The following DAB1 variants were observed in gnomAD, a reference collection of about 807,000 sequenced individuals.
DAB1 encodes DAB adaptor protein 1.
In DAB1, 15 loss-of-function variants were observed where a neutral mutation model predicts 64.6. The observed-to-expected ratio is 0.23, with a 90% CI of 0.16 to 0.36. The LOEUF (loss-of-function observed/expected upper bound fraction) is 0.36, where lower values mean the gene tolerates loss of function less well. Among genes scored for constraint, DAB1 ranks in the 10% least tolerant of loss-of-function variants. The pLI, the probability that DAB1 is intolerant of heterozygous loss-of-function variation, is 1.00. For synonymous variants in DAB1, 235 were observed against 251.9 expected (o/e 0.93, Z 0.64); for missense variants, 596 against 706.7 (o/e 0.84, Z 1.78).
chr1:57,475,886 A>C (rs745502818), intron 7 of DAB1, among the ~76,000 whole-genome samples: 5 of 152,230 alleles, frequency 3.3e-5, no homozygotes, highest in African/African-American at 7.2e-5. Flanking sequence ...TGAATGCATG[A>C]ATGAATGAAT....
At chr1:58,049,263 G>A in intron 5 of DAB1, 2 of 742,600 alleles carry the variant, frequency 2.7e-6, no homozygotes, top group Non-Finnish European at 5.0e-6. Flanking sequence ...AAGCTGTTCG[G>A]GCTCTTTAGG....
intron 9 of DAB1, among the ~76,000 whole-genome samples, chr1:57,048,462 C>A (rs1342258754): frequency 6.6e-6 from 1 of 152,104 alleles, no homozygotes; most frequent in Non-Finnish European, 1.5e-5. Context: ...TTACAGCCTC[C>A]CAGAGAGCGG....
intron 5 of DAB1, among the ~76,000 whole-genome samples, chr1:58,104,223 C>T (rs1346192806): frequency 6.6e-6 from 1 of 152,226 alleles, no homozygotes; most frequent in Non-Finnish European, 1.5e-5. Context: ...ATCCCAACCT[C>T]TAGCACACAG....
chr1:57,691,642 CTG>C (rs1303343491), intron 6 of DAB1, among the ~76,000 whole-genome samples: 7 of 152,200 alleles, frequency 4.6e-5, no homozygotes, highest in African/African-American at 1.4e-4. Context: ...GGAAGAAACT[CTG>C]GACACATCTA....
chr1:57,507,001 C>T (rs566105247), intron 7 of DAB1, among the ~76,000 whole-genome samples: 8 of 152,178 alleles, frequency 5.3e-5, no homozygotes, highest in Non-Finnish European at 1.0e-4. Flanking sequence ...TCCTCACCTC[C>T]AGTCCCTCTC....
At chr1:57,046,879 C>T (rs1014487553) in intron 9 of DAB1, among the ~76,000 whole-genome samples, 10 of 152,156 alleles carry the variant, frequency 6.6e-5, no homozygotes, top group African/African-American at 2.4e-4. Context: ...AGCTTCTTGC[C>T]TTCTGTTTGA....
At chr1:57,089,473 A>G (rs1211641457) in intron 4 of DAB1, among the ~76,000 whole-genome samples, 2 of 152,100 alleles carry the variant, frequency 1.3e-5, no homozygotes, top group Non-Finnish European at 2.9e-5. Flanking sequence ...ATTGCAAAAC[A>G]AAAGGGAGAT....
At chr1:58,063,324 C>T (rs1157478622) in intron 5 of DAB1, among the ~76,000 whole-genome samples, 1 of 152,108 alleles carries the variant, frequency 6.6e-6, no homozygotes, top group Non-Finnish European at 1.5e-5. Flanking sequence ...AAAATGACAC[C>T]TTTACAACAG....
Position 57,242,973 on chromosome 1 carries a change from C to T in DAB1, c.67+47991G>A, listed in dbSNP as rs762740987. Among the ~76,000 whole-genome samples the T allele has an allele frequency of 6.6e-4, 101 of 152,154 alleles. 1 individual carries two copies. Among genetic ancestry groups the T allele is most frequent in the Non-Finnish European group, 1.3e-3 (88 of 68,034 alleles). On this transcript the variant is annotated intron_variant, in intron 2 of 14. Transcript: ENST00000371236. The stretch of plus-strand genomic sequence containing the variant: ...TATCCTTTGATCATTGTTATTGTGG[C>T]AGCACAATTTGCATACTTAGTAGAT...
At chr1:58,508,141 AG>A (rs897878108) in intron 2 of DAB1, among the ~76,000 whole-genome samples, 2 of 152,202 alleles carry the variant, frequency 1.3e-5, no homozygotes, top group African/African-American at 4.8e-5. Context: ...CCTACAGACT[AG>A]AAAGTATTCC....
rs577310808 is a variant in DAB1, at chr1:58,068,357, C to T, written n.387+82154G>A. Among the ~76,000 whole-genome samples the T allele has an allele frequency of 2.2e-3, 341 of 152,150 alleles. 3 individuals are homozygous for T. The highest frequency in any genetic ancestry group is 7.9e-3 in the African/African-American group (327 of 41,500). On this transcript the variant is annotated intron_variant and non_coding_transcript_variant, in intron 5 of 20. Transcript: ENST00000485760. ...CTTTCTTTAATTCACCTATATATAGCGGGGAAAAGGATGCATTCATTCACT... is the reference window on the plus strand; with the variant it reads ...CTTTCTTTAATTCACCTATATATAGTGGGGAAAAGGATGCATTCATTCACT...
At chr1:57,201,698 C>A (rs1480824133) in intron 2 of DAB1, among the ~76,000 whole-genome samples, 1 of 152,172 alleles carries the variant, frequency 6.6e-6, no homozygotes, top group Middle Eastern at 3.2e-3. Flanking sequence ...ATAGTATTTT[C>A]TCCCAAAGCT....
intron 5 of DAB1, among the ~76,000 whole-genome samples, chr1:57,941,112 G>C (rs1645097765): frequency 6.6e-6 from 1 of 152,168 alleles, no homozygotes; most frequent in Non-Finnish European, 1.5e-5. Flanking sequence ...CATGATATAG[G>C]ACAGTGACCC....
rs1275363806 is a variant in DAB1 at position 57,423,945 on chromosome 1, GCAT to G, written c.-155_-153del. 6.6e-6 allele frequency: 1 copy of G among 152,032 alleles called. No homozygotes were observed. The highest frequency in any genetic ancestry group is 1.5e-5 in the Non-Finnish European group (1 of 68,134). The allele number at this position is 152,032 out of a possible 1,614,324, so 9.4% of individuals were successfully genotyped here. On this transcript the variant is annotated 5_prime_UTR_variant, in exon 1 of 15. The change abolishes an upstream ATG in the 5' untranslated region. Coordinates refer to ENST00000371236, the MANE Select transcript of DAB1 (RefSeq NM_001365792.1). ...CGCGCCTCACCTCGCCTAGCCCAGA[GCAT>G]CCTCCTCCGCTGCCGCAGCCGCCCA...
intron 1 of DAB1, among the ~76,000 whole-genome samples, chr1:57,321,940 C>T (rs1675756745): frequency 6.6e-6 from 1 of 152,130 alleles, no homozygotes; most frequent in Non-Finnish European, 1.5e-5. Context: ...ATAGAGAGCT[C>T]GCTCGCTCTC....
chr1:57,659,000 T>A (rs751871833), intron 6 of DAB1, among the ~76,000 whole-genome samples: 3 of 152,176 alleles, frequency 2.0e-5, no homozygotes, highest in Non-Finnish European at 4.4e-5. Context: ...GGAACCCCAG[T>A]CCCATCCCTT....
rs113562982 is a variant in DAB1, at chr1:57,375,077, A to T, written c.-137+48853T>A. Among the ~76,000 whole-genome samples the T allele has an allele frequency of 1.3e-3, 191 of 152,044 alleles. 2 individuals carry two copies. The highest frequency in any genetic ancestry group is 4.3e-3 in the African/African-American group (178 of 41,480). On this transcript the variant is annotated intron_variant, in intron 1 of 14. Transcript: ENST00000371236. ...CTGCCACTCTGATTTCCAGGTCCCA[A>T]CCCTTCTCTCTGTCCCTGGCTGTGC...
intron 3 of DAB1, among the ~76,000 whole-genome samples, chr1:58,491,777 G>C (rs865847815): frequency 7.2e-5 from 11 of 152,160 alleles, no homozygotes; most frequent in Admixed American, 3.9e-4. Context: ...AGTCCTTAGA[G>C]ACCTACAAAG....
intron 7 of DAB1, among the ~76,000 whole-genome samples, chr1:57,541,521 G>A (rs906061552): frequency 2.0e-5 from 3 of 152,144 alleles, no homozygotes; most frequent in Non-Finnish European, 4.4e-5. Context: ...AACAAAGGAG[G>A]CTTTCTGAGA....
Sources: allele counts gnomAD v4.1 joint callset (sites outside exome capture counted in the v4.1 genomes callset), GRCh38; gene constraint gnomAD v4.1.1; transcripts MANE v1.5; gene names NCBI Gene and HGNC (gene_info 2026-07-23, HGNC 2026-07-21).